Variants in NCF4 observed in about 807,000 individuals in gnomAD.
The protein encoded by NCF4 is neutrophil cytosol factor 4.
NCF4 carries 30 observed loss-of-function variants against 41.7 expected under a neutral mutation model. The observed-to-expected ratio is 0.72, with a 90% CI of 0.54 to 0.97. The LOEUF is 0.97. Among genes scored for constraint, NCF4 ranks in the 50% least tolerant of loss-of-function variants. The probability of loss-of-function intolerance (pLI) is 0.00; values close to 1 mark genes in which losing one functional copy is unlikely to be tolerated. For synonymous variants in NCF4, 195 were observed against 175.8 expected (o/e 1.11, Z -0.87); for missense variants, 432 against 460.9 (o/e 0.94, Z 0.57).
chr22:36,877,998 C>T lies in NCF4; in HGVS notation c.*175C>T. On this transcript the variant is annotated 3_prime_UTR_variant, in exon 10 of 10. Coordinates refer to ENST00000248899, the MANE Select transcript of NCF4 (RefSeq NM_000631.5). ...CTATTTACATCTGATTTAAATAAAC[C>T]ATTCCATCTGAAAGGGGCAGGCTGC... The T allele has an allele frequency of 4.5e-6, 3 of 670,230 alleles. No individual in the cohort carries two copies. In the South Asian group the frequency reaches 5.8e-5, roughly 13 times the overall value. 41.5% of individuals were successfully genotyped at this position (670,230 alleles called of 1,614,324 possible).
intron 3 of NCF4, among the ~76,000 whole-genome samples, chr22:36,866,573 T>C (rs1939931494): frequency 6.6e-6 from 1 of 152,058 alleles, no homozygotes; most frequent in Non-Finnish European, 1.5e-5. Flanking sequence ...AATTGTCACG[T>C]TTTTGCTCCT....
intron 4 of NCF4, among the ~76,000 whole-genome samples, chr22:36,867,666 G>C (rs895178021): frequency 1.3e-5 from 2 of 152,210 alleles, no homozygotes; most frequent in African/African-American, 2.4e-5. Context: ...AGGAGCAACG[G>C]AGAAGGTAAA....
chr22:36,876,150 G>T, intron 9 of NCF4, 56 bp downstream of exon 9: 1 of 1,479,078 alleles, frequency 6.8e-7, no homozygotes. Context: ...GAGAGCGCAG[G>T]GAGAAATGTT....
In NCF4 at chr22:36,872,215, C is replaced by T. The variant is rs5756374; in HGVS notation, c.529-112C>T. The T allele has an allele frequency of 0.64, 587,555 of 922,610 alleles. 189,919 individuals are homozygous for T. The highest frequency in any genetic ancestry group is 0.66 in the Non-Finnish European group (369,277 of 559,130). 57.2% of individuals were successfully genotyped at this position (922,610 alleles called of 1,614,324 possible). A position where few individuals can be genotyped will look rare whatever the true frequency, so the allele number is the denominator to read the frequency against. ...GCCTCAGAGAAGTCGCTTATTCTCC[C>T]CAAGCCTCAGTTTCTACATCTGTAA... On this transcript the variant is annotated intron_variant, in intron 6 of 9. Coordinates refer to ENST00000248899, the MANE Select transcript of NCF4 (RefSeq NM_000631.5).
In NCF4 at chr22:36,873,657, T is replaced by C. The variant is rs954670480; in HGVS notation, c.627+1232T>C. On this transcript the variant is annotated intron_variant, in intron 7 of 9. Transcript: ENST00000248899. ...GTTGCTTAGGGCAAGTAAGTTAACCTACTGAGTTTAGTTTCTTGGTCTGTA... is the reference window on the plus strand; with the variant it reads ...GTTGCTTAGGGCAAGTAAGTTAACCCACTGAGTTTAGTTTCTTGGTCTGTA... Among the ~76,000 whole-genome samples, 13 of 152,134 alleles carry C rather than the reference T, an allele frequency of 8.5e-5. No individual in the cohort carries two copies. In the East Asian group the frequency reaches 2.1e-3, roughly 25 times the overall value.
intron 1 of NCF4, among the ~76,000 whole-genome samples, chr22:36,863,195 C>T (rs1287371741): frequency 6.6e-6 from 1 of 152,158 alleles, no homozygotes; most frequent in East Asian, 1.9e-4. Flanking sequence ...CTACTGTATG[C>T]CGGGCTCTGT....
rs1422472849 is a variant in NCF4, at chr22:36,864,031, C to T, written c.33-14C>T. The T allele has an allele frequency of 3.7e-6, 6 of 1,612,976 alleles. No individual in the cohort carries two copies. Among genetic ancestry groups the T allele is most frequent in the Middle Eastern group, 1.6e-4 (1 of 6,084 alleles). ...GGGTGATAAGCAGGATCTCTTTTCC[C>T]CTCCTTCGCACAGTGACTTTGAACA... On this transcript the variant is annotated splice_polypyrimidine_tract_variant and intron_variant, in intron 1 of 9. Transcript: ENST00000248899.
rs1406980715 is a variant in NCF4 at position 36,872,836 on chromosome 22, A to C, written c.627+411A>C. The stretch of plus-strand genomic sequence containing the variant: ...TGAGGGTGAAGGTGAGGATGGAGGT[A>C]AGGGTGGACGTGAGGATGGGGGTGA... On this transcript the variant is annotated intron_variant, in intron 7 of 9. Coordinates refer to ENST00000248899, the MANE Select transcript of NCF4 (RefSeq NM_000631.5). 2.4e-5 allele frequency among the ~76,000 whole-genome samples: 2 copies of C among 83,796 alleles called. 1 individual carries two copies. Among genetic ancestry groups the C allele is most frequent in the Non-Finnish European group, 4.7e-5 (2 of 42,452 alleles). The allele number at this position is 83,796 out of a possible 152,430, so 55.0% of individuals were successfully genotyped here. A position where few individuals can be genotyped will look rare whatever the true frequency, so the allele number is the denominator to read the frequency against.
Position 36,864,973 on chromosome 22 carries a change from C to T in NCF4, c.172C>T (p.Arg58Cys), listed in dbSNP as rs143532979. 4.0e-4 allele frequency: 651 copies of T among 1,614,114 alleles called. 6 individuals carry two copies. In the Admixed American group the frequency reaches 8.9e-3, roughly 22 times the overall value. ...KGGSKYLIYR[R>C]YRQFHALQSK... The stretch of plus-strand genomic sequence containing the variant: ...AGGATCCAAGTACCTCATCTACCGC[C>T]GCTACCGCCAGTTCCATGCTTTGCA... Residue 58 changes from arginine to cysteine, a missense_variant, in exon 3 of 10, where the codon CGC becomes TGC. Coordinates refer to ENST00000248899, the MANE Select transcript of NCF4 (RefSeq NM_000631.5).
chr22:36,871,072 G>C (rs1940043903), intron 5 of NCF4, among the ~76,000 whole-genome samples: 1 of 152,202 alleles, frequency 6.6e-6, no homozygotes, highest in Admixed American at 6.5e-5. Context: ...AGCCCAGGTT[G>C]CTGCTACTAA....
chr22:36,877,040 G>A (rs958705905), intron 9 of NCF4, among the ~76,000 whole-genome samples: 1 of 151,376 alleles, frequency 6.6e-6, no homozygotes, highest in African/African-American at 2.4e-5. Context: ...TCTGTGCCCA[G>A]TCAAACCCAC....
At chr22:36,872,952 A>G (rs1365049686) in intron 7 of NCF4, among the ~76,000 whole-genome samples, 11 of 142,970 alleles carry the variant, frequency 7.7e-5, no homozygotes, top group Admixed American at 1.4e-4. Context: ...GTGAGATTGG[A>G]GGTGAGATTG....
At chr22:36,876,125 A>G (rs1349363085) in intron 9 of NCF4, 31 bp downstream of exon 9, 5 of 1,570,846 alleles carry the variant, frequency 3.2e-6, no homozygotes, top group Non-Finnish European at 8.7e-7. Flanking sequence ...CTGGGGAGTT[A>G]GATACTCTGG....
At chr22:36,871,464 C>G (rs1266001302) in intron 5 of NCF4, among the ~76,000 whole-genome samples, 188 bp from the exon 6 acceptor site, 2 of 152,246 alleles carry the variant, frequency 1.3e-5, no homozygotes, top group African/African-American at 4.8e-5. Flanking sequence ...ACAATCCCAC[C>G]TCCAAAGAGG....
rs560584199 is a variant in NCF4 at position 36,871,679 on chromosome 22, C to T, written c.498C>T (p.Ser166=). 1.1e-5 allele frequency: 18 copies of T among 1,571,052 alleles called. No homozygotes were observed. The highest frequency in any genetic ancestry group is 9.3e-5 in the South Asian group (8 of 85,592). Reference sequence around the variant, plus strand: ...AGAGCGTGTCCCCACAGGGCAACAGCGTTGACCGCATGGCAGCTCCGAGAG... The same window carrying T: ...AGAGCGTGTCCCCACAGGGCAACAGTGTTGACCGCATGGCAGCTCCGAGAG... ...KVKSVSPQGN[S]VDRMAAPRAE... The change falls in exon 6 of 10, where the codon AGC becomes AGT. Residue 166 remains serine (S), a synonymous_variant. Transcript: ENST00000248899.
rs1939916181 is a variant in NCF4, at chr22:36,865,891, C to A, written c.271+819C>A. ...CTTCTCATCCAGCCCCACCAAGGAA[C>A]TTGAAGCTCCCCCTAGGAGTCTTGC... On this transcript the variant is annotated intron_variant, in intron 3 of 9. Transcript: ENST00000248899. The surrounding 1 kb of genome is among the most constrained non-coding windows in gnomAD (Gnocchi z 4.3). 6.6e-6 allele frequency among the ~76,000 whole-genome samples: 1 copy of A among 152,156 alleles called. No individual in the cohort carries two copies.
rs371578849 is a variant in NCF4, at chr22:36,864,925, G to C, written c.124G>C (p.Val42Leu). The change falls in exon 3 of 10, where the codon GTC becomes CTC. Residue 42 changes from valine (V) to leucine (L), a missense_variant. Physicochemically the swap from Val to Leu is conservative, Grantham distance 32. Coordinates refer to ENST00000248899, the MANE Select transcript of NCF4 (RefSeq NM_000631.5). ...KRGFTSHFVF[V>L]IEVKTKGGSK... Reference sequence around the variant, plus strand: ...CAACCTCTGTCCTCCTTAGGTTTTCGTCATCGAGGTGAAGACAAAAGGAGG... The same window carrying C: ...CAACCTCTGTCCTCCTTAGGTTTTCCTCATCGAGGTGAAGACAAAAGGAGG... 2.5e-6 allele frequency: 4 copies of C among 1,613,604 alleles called. No individual in the cohort carries two copies. In the African/African-American group the frequency reaches 5.4e-5, roughly 22 times the overall value.
In NCF4 at chr22:36,877,916, A is replaced by G; in HGVS notation, c.*93A>G. ...ACCAGGAAAACCTGGGAGGATGGGC[A>G]GACTTCCTGTCTTTGAGGCTAATGG... is the stretch of plus-strand genomic sequence containing the variant. On this transcript the variant is annotated 3_prime_UTR_variant, in exon 10 of 10. Coordinates refer to ENST00000248899, the MANE Select transcript of NCF4 (RefSeq NM_000631.5). 2.3e-6 allele frequency: 3 copies of G among 1,311,272 alleles called. No individual in the cohort carries two copies. The highest frequency in any genetic ancestry group is 3.2e-6 in the Non-Finnish European group (3 of 940,074). 81.2% of individuals were successfully genotyped at this position (1,311,272 alleles called of 1,614,324 possible). A position where few individuals can be genotyped will look rare whatever the true frequency, so the allele number is the denominator to read the frequency against.
rs1939764876 is a variant in NCF4, at chr22:36,861,143, C to T, written c.-29C>T. On this transcript the variant is annotated 5_prime_UTR_variant, in exon 1 of 10. Transcript: ENST00000248899. ...CCTGGGACTGGCTGGGCGAGACTCT[C>T]CACCTGCTCCCTGGGACCATCGCCC... 6.4e-7 allele frequency: 1 copy of T among 1,551,396 alleles called. No individual in the cohort carries two copies. The highest frequency in any genetic ancestry group is 2.4e-5 in the East Asian group (1 of 40,916).
Sources: allele counts gnomAD v4.1 joint callset (sites outside exome capture counted in the v4.1 genomes callset), GRCh38; gene constraint gnomAD v4.1.1; non-coding constraint Gnocchi (gnomAD v3.1); transcripts MANE v1.5; gene names NCBI Gene and HGNC (gene_info 2026-07-23, HGNC 2026-07-21).